The following IPO11 variants were observed in gnomAD, a reference collection of about 807,000 sequenced individuals.
IPO11 encodes the protein importin-11.
A neutral mutation model predicts 143.2 loss-of-function variants in IPO11; 66 were observed. The ratio of observed to expected loss-of-function variants is 0.46; its 90% confidence interval spans 0.38 to 0.57. The LOEUF (loss-of-function observed/expected upper bound fraction) is 0.57, where lower values mean the gene tolerates loss of function less well. IPO11 is among the 20% of genes least tolerant of loss of function. The pLI is 0.00. For synonymous variants in IPO11, 385 were observed against 377.8 expected (o/e 1.02, Z -0.22); for missense variants, 1,026 against 1,141.0 (o/e 0.90, Z 1.45).
intron 29 of IPO11, among the ~76,000 whole-genome samples, chr5:62,620,985 A>G (rs1561391178): frequency 6.6e-6 from 1 of 152,244 alleles, no homozygotes. Context: ...TCTGTCTAGC[A>G]GGAAAACTGT....
chr5:62,448,358 C>G (rs1028690722), intron 3 of IPO11, among the ~76,000 whole-genome samples: 2 of 152,102 alleles, frequency 1.3e-5, no homozygotes, highest in East Asian at 3.9e-4. Context: ...ATTTTCCATT[C>G]CATTCATTGA....
chr5:62,471,624 G>A (rs775361648), intron 7 of IPO11, among the ~76,000 whole-genome samples: 9 of 151,892 alleles, frequency 5.9e-5, no homozygotes, highest in South Asian at 2.1e-4. Flanking sequence ...TTTACATGTC[G>A]TTTCCTTACT....
intron 27 of IPO11, among the ~76,000 whole-genome samples, chr5:62,585,149 T>C (rs13347319): frequency 0.032 from 4,909 of 152,268 alleles, 262 homozygotes; most frequent in African/African-American, 0.11. Flanking sequence ...GGCAACCTTA[T>C]TGCTTTTTTC....
At chr5:62,501,733 T>C (rs970817369) in intron 16 of IPO11, among the ~76,000 whole-genome samples, 5 of 152,152 alleles carry the variant, frequency 3.3e-5, no homozygotes, top group Admixed American at 3.3e-4. Flanking sequence ...TGGAGTCAAG[T>C]CTTAGAAAAT....
chr5:62,430,973 C>T (rs117022066), intron 1 of IPO11, among the ~76,000 whole-genome samples: 98 of 151,460 alleles, frequency 6.5e-4, no homozygotes, highest in East Asian at 3.9e-3. Context: ...CGTGAGCCAC[C>T]GTGCCTGGCC....
In IPO11 at chr5:62,449,955, C is replaced by T. The variant is rs568427976; in HGVS notation, c.268C>T (p.Leu90=). The change falls in exon 4 of 30, where the codon CTG becomes TTG. Residue 90 remains leucine (L), a synonymous_variant. Coordinates refer to ENST00000325324, the MANE Select transcript of IPO11 (RefSeq NM_016338.5). ...TCTCTCAGAGGAGGAGAAAACTACT[C>T]TGCGTGCAGGGCTCATCACCAACTT... ...HALSEEEKTT[L]RAGLITNFNE... 1.9e-4 allele frequency: 304 copies of T among 1,595,868 alleles called. 3 individuals are homozygous for T. The South Asian group carries it at 3.4e-3, about 18-fold the overall frequency.
intron 24 of IPO11, among the ~76,000 whole-genome samples, chr5:62,548,526 T>C (rs561345093): frequency 2.0e-4 from 30 of 152,264 alleles, no homozygotes; most frequent in African/African-American, 7.2e-4. Flanking sequence ...TTAGACTCTT[T>C]AGAGAAAATA....
intron 29 of IPO11, among the ~76,000 whole-genome samples, chr5:62,610,939 T>G (rs182566512): frequency 2.4e-4 from 37 of 152,276 alleles, no homozygotes; most frequent in African/African-American, 8.7e-4. Context: ...CCAGGCCAGT[T>G]TCTTAAAATG....
In IPO11 at chr5:62,616,671, G is replaced by A. The variant is rs1452420402; in HGVS notation, c.2764-10483G>A. Among the ~76,000 whole-genome samples the A allele has an allele frequency of 7.6e-5, 11 of 145,046 alleles. No individual in the cohort carries two copies. The Admixed American group carries it at 7.7e-4, about 10-fold the overall frequency. On this transcript the variant is annotated intron_variant, in intron 29 of 29. Transcript: ENST00000325324. ...GGAGGCAGAGGTTGCAGTGAGCTGAGGCTGTGCCCCTGCACTCCAGCCTGG... is the reference window on the plus strand; with the variant it reads ...GGAGGCAGAGGTTGCAGTGAGCTGAAGCTGTGCCCCTGCACTCCAGCCTGG...
At chr5:62,498,018 G>GT (rs991349145) in intron 16 of IPO11, among the ~76,000 whole-genome samples, 123 of 148,250 alleles carry the variant, frequency 8.3e-4, no homozygotes, top group Middle Eastern at 6.9e-3. Flanking sequence ...CTTGAATATT[G>GT]TTTTTTTTTT....
In IPO11 at chr5:62,623,267, G is replaced by A. The variant is rs142093575; in HGVS notation, c.2764-3887G>A. On this transcript the variant is annotated intron_variant, in intron 29 of 29. Coordinates refer to ENST00000325324, the MANE Select transcript of IPO11 (RefSeq NM_016338.5). ...GATTTTTTGGCCTGTTACATACCTA[G>A]TGTATTTATATGTCTCCTACCAAGT... Among the ~76,000 whole-genome samples the A allele has an allele frequency of 4.7e-4, 72 of 152,238 alleles. 1 individual carries two copies. The highest frequency in any genetic ancestry group is 1.7e-3 in the African/African-American group (71 of 41,548).
intron 24 of IPO11, among the ~76,000 whole-genome samples, chr5:62,544,018 C>T (rs1743056453): frequency 6.6e-6 from 1 of 152,014 alleles, no homozygotes; most frequent in Non-Finnish European, 1.5e-5. Flanking sequence ...GTTTCTTAAT[C>T]CTGAGTTCTA....
chr5:62,587,969 C>T (rs907504452), intron 27 of IPO11, among the ~76,000 whole-genome samples: 1 of 152,188 alleles, frequency 6.6e-6, no homozygotes, highest in African/African-American at 2.4e-5. Flanking sequence ...ACTTCACCAG[C>T]TCTGTGTGTT....
chr5:62,426,105 G>A (rs538813931), intron 1 of IPO11, among the ~76,000 whole-genome samples: 6 of 152,214 alleles, frequency 3.9e-5, no homozygotes, highest in South Asian at 2.1e-4. Context: ...GTTGCTTACC[G>A]GCTGGTCGTG....
intron 13 of IPO11, 36 bp downstream of exon 13, chr5:62,487,897 T>A: frequency 6.5e-7 from 1 of 1,545,110 alleles, no homozygotes; most frequent in Non-Finnish European, 8.9e-7. Context: ...TGAGTTAATC[T>A]CTTTAACGTT....
intron 9 of IPO11, 116 bp from the exon 10 acceptor site, chr5:62,482,985 A>G: frequency 1.5e-6 from 1 of 667,128 alleles, no homozygotes; most frequent in Non-Finnish European, 2.5e-6. Flanking sequence ...CATAGACTCC[A>G]CACTAAGGTT....
intron 27 of IPO11, among the ~76,000 whole-genome samples, chr5:62,583,828 T>G (rs1453538552): frequency 6.6e-6 from 1 of 152,210 alleles, no homozygotes; most frequent in Non-Finnish European, 1.5e-5. Flanking sequence ...AATGATATTC[T>G]AAATTAATAT....
At chr5:62,468,235 G>A (rs1190800775) in intron 6 of IPO11, among the ~76,000 whole-genome samples, 2 of 152,096 alleles carry the variant, frequency 1.3e-5, no homozygotes, top group Non-Finnish European at 1.5e-5. Context: ...TTCTTAGTTT[G>A]ATCTCAGGCA....
At chr5:62,568,940 G>A (rs1439896594) in intron 27 of IPO11, among the ~76,000 whole-genome samples, 2 of 152,184 alleles carry the variant, frequency 1.3e-5, no homozygotes, top group African/African-American at 4.8e-5. Context: ...CCCTAAGCCT[G>A]TGGATACTGC....
Sources: allele counts gnomAD v4.1 joint callset (sites outside exome capture counted in the v4.1 genomes callset), GRCh38; gene constraint gnomAD v4.1.1; transcripts MANE v1.5; gene names NCBI Gene and HGNC (gene_info 2026-07-23, HGNC 2026-07-21).